The following PLEKHG1 variants were observed in gnomAD, a reference collection of about 807,000 sequenced individuals.
The protein encoded by PLEKHG1 is pleckstrin homology and RhoGEF domain containing G1.
A neutral mutation model predicts 100.8 loss-of-function variants in PLEKHG1; 44 were observed. That is an observed-to-expected ratio of 0.44 (90% CI 0.34 to 0.56). PLEKHG1 has a LOEUF of 0.56. PLEKHG1 is among the 20% of genes least tolerant of loss of function. The probability of loss-of-function intolerance (pLI) is 0.01; values close to 1 mark genes in which losing one functional copy is unlikely to be tolerated. For synonymous variants in PLEKHG1, 640 were observed against 662.5 expected, an observed-to-expected ratio of 0.97 and a Z score of 0.52; for missense variants, 1,545 against 1,720.9, an observed-to-expected ratio of 0.90 and a Z score of 1.81.
intron 1 of PLEKHG1, among the ~76,000 whole-genome samples, chr6:150,619,501 A>C (rs1045262588): frequency 3.3e-5 from 5 of 152,198 alleles, no homozygotes; most frequent in African/African-American, 9.6e-5. Flanking sequence ...ACAACTGGTC[A>C]TAGATGTTTT....
chr6:150,767,042 A>G (rs1784487673), intron 2 of PLEKHG1, among the ~76,000 whole-genome samples: 1 of 152,204 alleles, frequency 6.6e-6, no homozygotes, highest in South Asian at 2.1e-4. Context: ...TTAAGCTGCT[A>G]TTAAATACAG....
At chr6:150,652,720 C>CAA (rs199612130) in intron 3 of PLEKHG1, among the ~76,000 whole-genome samples, 10 of 82,046 alleles carry the variant, frequency 1.2e-4, no homozygotes, top group Middle Eastern at 8.3e-3. Flanking sequence ...AACTGTGTCT[C>CAA]AAAAAAAAAA....
chr6:150,617,966 G>A (rs1369638752), intron 1 of PLEKHG1, among the ~76,000 whole-genome samples: 1 of 152,182 alleles, frequency 6.6e-6, no homozygotes, highest in Non-Finnish European at 1.5e-5. Context: ...ATGGAGGTGG[G>A]AGACTCAGCA....
At chr6:150,842,868 C>T (rs1212566801) in exon 16 of PLEKHG1, 1 of 152,140 alleles carries the variant, frequency 6.6e-6, no homozygotes, top group Non-Finnish European at 1.5e-5. Flanking sequence ...CGCCCGCCAC[C>T]ACACCTGGCT....
chr6:150,737,971 GTT>G lies in PLEKHG1; in HGVS notation c.411+3894_411+3895del, dbSNP rs113346610. 7.0e-3 allele frequency among the ~76,000 whole-genome samples: 985 copies of G among 140,724 alleles called. 15 individuals are homozygous for G. The highest frequency in any genetic ancestry group is 0.024 in the African/African-American group (919 of 38,670). The allele number at this position is 140,724 out of a possible 152,430, so 92.3% of individuals were successfully genotyped here. ...GGTGCACACCACCACACCTTGCTAAGTTTTTTTTTTTTTTTTAATTTTTGTAG... is the reference window on the plus strand; with the variant it reads ...GGTGCACACCACCACACCTTGCTAAGTTTTTTTTTTTTTTAATTTTTGTAG... On this transcript the variant is annotated intron_variant, in intron 2 of 15. Coordinates refer to ENST00000358517, the Ensembl canonical transcript of PLEKHG1.
intron 2 of PLEKHG1, among the ~76,000 whole-genome samples, chr6:150,749,360 C>T (rs1403812277): frequency 9.9e-5 from 15 of 152,180 alleles, no homozygotes; most frequent in Admixed American, 9.8e-4. Flanking sequence ...ACTTCATCTA[C>T]GACCAGCTGC....
intron 12 of PLEKHG1, 59 bp from the exon 14 acceptor site, chr6:150,821,136 A>G (rs971735052): frequency 8.1e-6 from 11 of 1,358,180 alleles, no homozygotes; most frequent in South Asian, 2.4e-5. Context: ...CTTATAAAGA[A>G]TAAAGAAAAA....
rs1326595778 is a variant in PLEKHG1 at position 150,841,314 on chromosome 6, A to G, written c.*418A>G. On this transcript the variant is annotated 3_prime_UTR_variant, in exon 16 of 16. Coordinates refer to ENST00000358517, the Ensembl canonical transcript of PLEKHG1. ...TTTTCACATTTTAAAAGGCAACGAAAGCTGTTGAAAGAATTATGCTTATAT... is the reference window on the plus strand; with the variant it reads ...TTTTCACATTTTAAAAGGCAACGAAGGCTGTTGAAAGAATTATGCTTATAT... The G allele has an allele frequency of 1.9e-5, 5 of 270,158 alleles. No individual in the cohort carries two copies. In the East Asian group the frequency reaches 5.2e-4, roughly 28 times the overall value. 16.7% of individuals were successfully genotyped at this position (270,158 alleles called of 1,614,324 possible).
chr6:150,704,103 G>C (rs1379250869), intron 3 of PLEKHG1, among the ~76,000 whole-genome samples: 1 of 152,178 alleles, frequency 6.6e-6, no homozygotes, highest in African/African-American at 2.4e-5. Context: ...AATGGTTGAT[G>C]GTCCGACTGA....
At chr6:150,730,427 C>A (rs1583017998) in intron 1 of PLEKHG1, among the ~76,000 whole-genome samples, 1 of 152,100 alleles carries the variant, frequency 6.6e-6, no homozygotes, top group East Asian at 1.9e-4. Flanking sequence ...GATCGTGCAA[C>A]CTAGATCCCT....
intron 3 of PLEKHG1, among the ~76,000 whole-genome samples, chr6:150,714,176 A>G (rs947082264): frequency 2.0e-5 from 3 of 152,262 alleles, no homozygotes; most frequent in Admixed American, 1.3e-4. Flanking sequence ...TGCTGAGCAC[A>G]GCCAGTCCTC....
intron 2 of PLEKHG1, among the ~76,000 whole-genome samples, chr6:150,643,016 C>T (rs1030125689): frequency 1.3e-5 from 2 of 152,096 alleles, no homozygotes; most frequent in Non-Finnish European, 2.9e-5. Context: ...AAAATAGTGA[C>T]GGAATCCCCA....
At chr6:150,779,450 A>G (rs980455866) in intron 3 of PLEKHG1, among the ~76,000 whole-genome samples, 1 of 145,510 alleles carries the variant, frequency 6.9e-6, no homozygotes, top group Non-Finnish European at 1.5e-5. Context: ...GGTTCACGTG[A>G]TTCTCCTGCC....
chr6:150,713,277 G>GA (rs542001688), intron 3 of PLEKHG1, among the ~76,000 whole-genome samples: 30 of 149,694 alleles, frequency 2.0e-4, no homozygotes, highest in East Asian at 1.2e-3. Flanking sequence ...TTCTTTAGTT[G>GA]AAAAAAAAAA....
At chr6:150,779,351 T>TTTTTTG (rs1562511446) in intron 3 of PLEKHG1, among the ~76,000 whole-genome samples, 1 of 146,362 alleles carries the variant, frequency 6.8e-6, no homozygotes, top group Admixed American at 6.8e-5. Context: ...GAAGTTTTTT[T>TTTTTTG]TTTTTTTTTT....
intron 1 of PLEKHG1, among the ~76,000 whole-genome samples, chr6:150,637,047 A>G (rs1253150951): frequency 6.6e-6 from 1 of 152,212 alleles, no homozygotes; most frequent in Non-Finnish European, 1.5e-5. Flanking sequence ...CTTGGTCCCA[A>G]GAGGGTCTGT....
At chr6:150,650,547 G>T (rs1316485927) in intron 2 of PLEKHG1, among the ~76,000 whole-genome samples, 181 bp from the exon 2 acceptor site, 1 of 152,110 alleles carries the variant, frequency 6.6e-6, no homozygotes, top group Non-Finnish European at 1.5e-5. Context: ...ACTGCTATAG[G>T]CCTATTACAG....
intron 2 of PLEKHG1, among the ~76,000 whole-genome samples, chr6:150,754,664 T>A (rs1583060972): frequency 1.3e-5 from 2 of 150,332 alleles, no homozygotes; most frequent in East Asian, 3.9e-4. Flanking sequence ...ATTAGGACTT[T>A]CTTTCTTTTT....
chr6:150,649,863 T>A (rs1778647567), intron 2 of PLEKHG1, among the ~76,000 whole-genome samples: 1 of 151,998 alleles, frequency 6.6e-6, no homozygotes. Flanking sequence ...TACAAAAAAA[T>A]TAGCCGGGCG....
Sources: gnomAD v4.1 joint callset for allele counts (sites outside exome capture counted in the v4.1 genomes callset) on GRCh38, gnomAD v4.1.1 for gene constraint, MANE v1.5 for transcripts, NCBI Gene and HGNC (gene_info 2026-07-23, HGNC 2026-07-21) for gene names.